Variants in FBXO21 observed in about 807,000 individuals in gnomAD.
FBXO21 encodes F-box protein 21.
Under a neutral mutation model 76.6 loss-of-function variants are expected in FBXO21, and 32 were observed. That is an observed-to-expected ratio of 0.42 (90% confidence interval 0.32 to 0.56). The LOEUF is 0.56. FBXO21 is among the 20% of genes least tolerant of loss of function. The pLI is 0.16. For missense variants in FBXO21, 586 were observed against 797.3 expected (o/e 0.73, Z 3.19); for synonymous variants, 328 against 311.5 (o/e 1.05, Z -0.56).
rs1956059939 is a variant in FBXO21, at chr12:117,166,957, C to T, written c.1134G>A (p.Val378=). The T allele has an allele frequency of 6.2e-7, 1 of 1,614,154 alleles. No individual in the cohort carries two copies. The change falls in exon 8 of 12, where the codon GTG becomes GTA. Residue 378 remains valine, a synonymous_variant. Transcript: ENST00000622495. ...TCTGTAACACCTTCTTGACATTGAC[C>T]ACCCCATACAGTGCTGCAGTCACGT... ...GQHVTAALYG[V]VNVKKVLQRM... is the part of the protein sequence containing the mutation.
At chr12:117,163,694 G>A (rs1227677951) in intron 9 of FBXO21, among the ~76,000 whole-genome samples, 1 of 152,124 alleles carries the variant, frequency 6.6e-6, no homozygotes, top group Non-Finnish European at 1.5e-5. Context: ...TGCAGTCCCA[G>A]CACTTTGGGA....
Position 117,158,236 on chromosome 12 carries a change from C to A in FBXO21, c.1327-173G>T, listed in dbSNP as rs139535447. 23 of 683,346 alleles carry A rather than the reference C, an allele frequency of 3.4e-5. No individual in the cohort carries two copies. In the Middle Eastern group the frequency reaches 1.2e-3, roughly 37 times the overall value. The allele number at this position is 683,346 out of a possible 1,614,324, so 42.3% of individuals were successfully genotyped here. A position where few individuals can be genotyped will look rare whatever the true frequency, so the allele number is the denominator to read the frequency against. ...TCTGGACCATCCTCTGATGGACCGC[C>A]ACCAAATCGGCACTGCAGATGCCCA... On this transcript the variant is annotated intron_variant, in intron 9 of 11. Coordinates refer to ENST00000622495, the MANE Select transcript of FBXO21 (RefSeq NM_015002.3).
chr12:117,153,663 T>C (rs1348904228), intron 11 of FBXO21, among the ~76,000 whole-genome samples: 3 of 152,042 alleles, frequency 2.0e-5, no homozygotes, highest in African/African-American at 7.2e-5. Flanking sequence ...ATCTGCCCCT[T>C]GGCCCAGGAC....
In FBXO21 at chr12:117,158,587, A is replaced by T. The variant is rs533229071; in HGVS notation, c.1327-524T>A. Among the ~76,000 whole-genome samples the T allele has an allele frequency of 8.8e-4, 134 of 152,314 alleles. 1 individual carries two copies. The highest frequency in any genetic ancestry group is 3.1e-3 in the African/African-American group (130 of 41,560). ...TCTGACACAACTGCCTCAGTGCTGG[A>T]AAAGATGGAAAAGGTCACAGAGTGG... On this transcript the variant is annotated intron_variant, in intron 9 of 11. Transcript: ENST00000622495.
intron 3 of FBXO21, among the ~76,000 whole-genome samples, chr12:117,184,707 T>C (rs550276297): frequency 2.0e-5 from 3 of 152,150 alleles, no homozygotes; most frequent in African/African-American, 2.4e-5. Context: ...GATCACGCCA[T>C]TGCACTCCAG....
chr12:117,155,063 A>G (rs1955894891), intron 11 of FBXO21: 1 of 152,268 alleles, frequency 6.6e-6, no homozygotes, highest in Non-Finnish European at 1.5e-5. Context: ...TAGCATTCAC[A>G]TTCATTTTTA....
At chr12:117,188,502 G>A (rs184704497) in intron 2 of FBXO21, among the ~76,000 whole-genome samples, 4 of 151,788 alleles carry the variant, frequency 2.6e-5, no homozygotes, top group Non-Finnish European at 5.9e-5. Context: ...CTGAGATTGC[G>A]CCACTGCACT....
In FBXO21 at chr12:117,158,015, C is replaced by T. The variant is rs763235918; in HGVS notation, c.1375G>A (p.Gly459Arg). 3.1e-6 allele frequency: 5 copies of T among 1,614,250 alleles called. No homozygotes were observed. The highest frequency in any genetic ancestry group is 4.2e-6 in the Non-Finnish European group (5 of 1,180,042). Reference protein sequence around the residue: ...HIQTLDPGQHGAVGYLVQHTL... With the variant: ...HIQTLDPGQHRAVGYLVQHTL... Reference sequence around the variant, plus strand: ...TGCTGCACCAGGTAGCCCACCGCCCCGTGCTGCCCCGGGTCTAGGGTTTGG... The same window carrying T: ...TGCTGCACCAGGTAGCCCACCGCCCTGTGCTGCCCCGGGTCTAGGGTTTGG... The change falls in exon 10 of 12, where the codon GGG becomes AGG. Residue 459 changes from glycine to arginine, a missense_variant. By Grantham distance (125) the Gly-to-Arg change is moderately radical. Around this residue, in one of 6 missense-constraint regions of FBXO21, gnomAD observed 164 missense variants for 236.7 expected, o/e 0.69. Coordinates refer to ENST00000622495, the MANE Select transcript of FBXO21 (RefSeq NM_015002.3).
rs1344456677 is a variant in FBXO21 at position 117,142,534 on chromosome 12, C to T, written c.*3553G>A. On this transcript the variant is annotated 3_prime_UTR_variant, in exon 12 of 12. Transcript: ENST00000622495. ...AGGATTGCTGGGAGGATTACAAAGA[C>T]TTTATTAGGCCAGTGCCCGGCTCAA... is the stretch of plus-strand genomic sequence containing the variant. 1 of 152,090 alleles carries T rather than the reference C, an allele frequency of 6.6e-6. No homozygotes were observed. Among genetic ancestry groups the T allele is most frequent in the East Asian group, 1.9e-4 (1 of 5,188 alleles). The allele number at this position is 152,090 out of a possible 1,614,324, so 9.4% of individuals were successfully genotyped here. A position where few individuals can be genotyped will look rare whatever the true frequency, so the allele number is the denominator to read the frequency against.
At chr12:117,158,891 C>T (rs776541729) in intron 9 of FBXO21, among the ~76,000 whole-genome samples, 14 of 152,330 alleles carry the variant, frequency 9.2e-5, no homozygotes, top group Non-Finnish European at 1.8e-4. Flanking sequence ...ACAATTATTT[C>T]GCACCCATTA....
chr12:117,148,457 T>G (rs879244068), intron 11 of FBXO21, among the ~76,000 whole-genome samples: 1 of 152,200 alleles, frequency 6.6e-6, no homozygotes, highest in Non-Finnish European at 1.5e-5. Flanking sequence ...AGCAACCTGT[T>G]TGTAAGATCC....
chr12:117,187,420 CAAAAAAAAAAAA>C (rs921514232), intron 2 of FBXO21, among the ~76,000 whole-genome samples: 26 of 59,694 alleles, frequency 4.4e-4, no homozygotes, highest in African/African-American at 1.2e-3. Flanking sequence ...AACTCTGTCT[CAAAAAAAAAAAA>C]AAAAAAAAAA....
Position 117,148,352 on chromosome 12 carries a change from A to G in FBXO21, c.1676-2075T>C, listed in dbSNP as rs1432102678. Among the ~76,000 whole-genome samples the G allele has an allele frequency of 2.0e-5, 3 of 152,226 alleles. No homozygotes were observed. In the South Asian group the frequency reaches 6.2e-4, roughly 32 times the overall value. Reference sequence around the variant, plus strand: ...ACCTTAACAGTACTTATGCTAGGAAAACTGGAAGAGCAGTGTAAACGTCCA... The same window carrying G: ...ACCTTAACAGTACTTATGCTAGGAAGACTGGAAGAGCAGTGTAAACGTCCA... On this transcript the variant is annotated intron_variant, in intron 11 of 11. Transcript: ENST00000622495.
chr12:117,187,766 T>G (rs1048157848), intron 2 of FBXO21, among the ~76,000 whole-genome samples: 2 of 152,258 alleles, frequency 1.3e-5, no homozygotes, highest in South Asian at 4.1e-4. Context: ...TGCAGGCTCA[T>G]AGTCCATGAC....
intron 11 of FBXO21, among the ~76,000 whole-genome samples, chr12:117,148,042 C>A (rs1233675637): frequency 6.6e-6 from 1 of 152,212 alleles, no homozygotes. Context: ...AAAGTCAGGG[C>A]ATCAGAGGCC....
intron 9 of FBXO21, among the ~76,000 whole-genome samples, chr12:117,158,363 G>A (rs764396947): frequency 5.9e-5 from 9 of 152,288 alleles, no homozygotes; most frequent in South Asian, 2.1e-4. Context: ...TGGGATAAGC[G>A]CTGGGGACGC....
chr12:117,164,473 A>T (rs1956027528), intron 9 of FBXO21, among the ~76,000 whole-genome samples: 1 of 151,906 alleles, frequency 6.6e-6, no homozygotes, highest in African/African-American at 2.4e-5. Flanking sequence ...ATGGGATTTC[A>T]CTATGTTGGC....
intron 11 of FBXO21, among the ~76,000 whole-genome samples, chr12:117,147,024 C>T (rs1406249411): frequency 2.0e-5 from 3 of 149,454 alleles, no homozygotes; most frequent in Non-Finnish European, 3.0e-5. Context: ...GGGAGAATCA[C>T]CTGAGGTCAA....
chr12:117,151,186 A>ACGG (rs1247693290), intron 11 of FBXO21, among the ~76,000 whole-genome samples: 1 of 152,124 alleles, frequency 6.6e-6, no homozygotes, highest in Non-Finnish European at 1.5e-5. Flanking sequence ...GCCTTTCAAT[A>ACGG]CGGCGGCTGA....
Sources: gnomAD v4.1 joint callset for allele counts (sites outside exome capture counted in the v4.1 genomes callset) on GRCh38, gnomAD v4.1.1 for gene constraint, gnomAD v4.1.1 regional missense constraint, MANE v1.5 for transcripts, NCBI Gene and HGNC (gene_info 2026-07-23, HGNC 2026-07-21) for gene names.